The following VAV1 variants were observed in gnomAD, a reference collection of about 807,000 sequenced individuals.
VAV1 encodes the protein vav guanine nucleotide exchange factor 1.
In VAV1, 33 loss-of-function variants were observed where a neutral mutation model predicts 128.1. That is an observed-to-expected ratio of 0.26 (90% CI 0.20 to 0.34). The LOEUF (loss-of-function observed/expected upper bound fraction) is 0.34. Ranked by LOEUF, VAV1 falls within the 10% of genes least tolerant of loss-of-function variation. The probability of loss-of-function intolerance (pLI) is 1.00; values close to 1 mark genes in which losing one functional copy is unlikely to be tolerated. For missense variants in VAV1, 715 were observed against 1,093.7 expected (o/e 0.65, Z 4.88); for synonymous variants, 394 against 409.8 (o/e 0.96, Z 0.47).
intron 9 of VAV1, 142 bp from the exon 10 acceptor site, chr19:6,827,934 G>T: frequency 3.0e-6 from 2 of 660,122 alleles, no homozygotes; most frequent in Non-Finnish European, 2.6e-6. Flanking sequence ...GGGCAGATAT[G>T]ATGCTTTGGC....
intron 21 of VAV1, among the ~76,000 whole-genome samples, chr19:6,838,045 G>A (rs3105701): frequency 0.11 from 17,031 of 151,950 alleles, 2,923 homozygotes; most frequent in African/African-American, 0.38. Flanking sequence ...ATTAGCTGGT[G>A]TTCTGCTGCA....
At chr19:6,817,553 G>A (rs1004904704) in intron 1 of VAV1, among the ~76,000 whole-genome samples, 2 of 152,048 alleles carry the variant, frequency 1.3e-5, no homozygotes, top group African/African-American at 2.4e-5. Flanking sequence ...GAAACAGAAC[G>A]ATGGCCCTCC....
chr19:6,841,655 T>C (rs1030320141), intron 21 of VAV1, among the ~76,000 whole-genome samples: 3 of 151,808 alleles, frequency 2.0e-5, no homozygotes, highest in African/African-American at 7.3e-5. Context: ...TTTGTATTTT[T>C]AGTAGAGACG....
In VAV1 at chr19:6,773,176, TG is replaced by T. The variant is rs571764982; in HGVS notation, c.204+169del. On this transcript the variant is annotated intron_variant, in intron 1 of 26. Transcript: ENST00000602142. ...AGGGGGTGGTCACAATCTGAGATTC[TG>T]GGGTGGCCTCCCCAAGCTTAACAGG... 4.6e-5 allele frequency among the ~76,000 whole-genome samples: 7 copies of T among 152,264 alleles called. No individual in the cohort carries two copies. The East Asian group carries it at 1.4e-3, about 29-fold the overall frequency.
At chr19:6,776,442 A>C in intron 1 of VAV1, among the ~76,000 whole-genome samples, 1 of 147,472 alleles carries the variant, frequency 6.8e-6, no homozygotes, top group Non-Finnish European at 1.5e-5. Flanking sequence ...CCATCCATCC[A>C]TCCACCCACC....
At chr19:6,855,184 G>T (rs899310345) in intron 26 of VAV1, among the ~76,000 whole-genome samples, 1 of 152,192 alleles carries the variant, frequency 6.6e-6, no homozygotes, top group Non-Finnish European at 1.5e-5. Context: ...ATATGTTTGT[G>T]TAATGAAGAC....
chr19:6,833,143 C>G (rs1051315535), intron 15 of VAV1, 41 bp from the exon 16 acceptor site: 2 of 1,500,800 alleles, frequency 1.3e-6, no homozygotes, highest in Non-Finnish European at 1.8e-6. Flanking sequence ...GAATAAAATA[C>G]TGACCTTCTT....
intron 1 of VAV1, among the ~76,000 whole-genome samples, chr19:6,789,470 C>T (rs937535223): frequency 1.3e-5 from 2 of 152,158 alleles, no homozygotes; most frequent in African/African-American, 4.8e-5. Context: ...CCAGGATGGT[C>T]TCAATTTCCT....
chr19:6,807,989 C>CAAAAAAAAAAAA (rs980612666), intron 1 of VAV1, among the ~76,000 whole-genome samples: 2 of 52,284 alleles, frequency 3.8e-5, no homozygotes, highest in Admixed American at 2.1e-4. Flanking sequence ...GACTCTGTCT[C>CAAAAAAAAAAAA]AAAAAAAAAA....
At chr19:6,799,042 G>C (rs1322545885) in intron 1 of VAV1, among the ~76,000 whole-genome samples, 3 of 151,990 alleles carry the variant, frequency 2.0e-5, no homozygotes, top group Non-Finnish European at 4.4e-5. Flanking sequence ...TCTGTGACTG[G>C]CTGCTTTCCC....
chr19:6,827,147 C>T (rs987150200), intron 9 of VAV1: 6 of 187,736 alleles, frequency 3.2e-5, no homozygotes, highest in African/African-American at 4.6e-5. Context: ...GTGGTGAGGA[C>T]GGGGGCTCTC....
chr19:6,805,371 G>C (rs923037098), intron 1 of VAV1, among the ~76,000 whole-genome samples: 2 of 151,970 alleles, frequency 1.3e-5, no homozygotes, highest in Non-Finnish European at 2.9e-5. Context: ...GTTGCAGCGA[G>C]TTGAGATCAT....
chr19:6,824,418 G>A (rs1464537619), intron 6 of VAV1, among the ~76,000 whole-genome samples: 2 of 152,172 alleles, frequency 1.3e-5, no homozygotes, highest in Non-Finnish European at 2.9e-5. Context: ...GTTTATATGT[G>A]TCTGGCTTCT....
At chr19:6,780,573 CTTTT>C (rs34155628) in intron 1 of VAV1, among the ~76,000 whole-genome samples, 17 of 128,912 alleles carry the variant, frequency 1.3e-4, no homozygotes, top group African/African-American at 3.4e-4. Context: ...TTTCTTTTTT[CTTTT>C]TTTTTTTTTT....
chr19:6,821,297 A>G (rs1006540974), intron 2 of VAV1, among the ~76,000 whole-genome samples: 1 of 151,954 alleles, frequency 6.6e-6, no homozygotes, highest in African/African-American at 2.4e-5. Flanking sequence ...GCTACTCCGG[A>G]GGCTGAGGCA....
At chr19:6,821,475 A>G in intron 2 of VAV1, 147 bp from the exon 3 acceptor site, 1 of 814,810 alleles carries the variant, frequency 1.2e-6, no homozygotes, top group Non-Finnish European at 2.1e-6. Context: ...GAACGATGGT[A>G]TGGGGAATAG....
intron 1 of VAV1, among the ~76,000 whole-genome samples, chr19:6,789,445 G>A (rs947383704): frequency 6.6e-6 from 1 of 152,098 alleles, no homozygotes; most frequent in South Asian, 2.1e-4. Flanking sequence ...TAGAGATGGG[G>A]TTTCACCGTG....
chr19:6,779,840 G>A (rs964632725), intron 1 of VAV1, among the ~76,000 whole-genome samples: 5 of 148,102 alleles, frequency 3.4e-5, no homozygotes, highest in African/African-American at 7.4e-5. Flanking sequence ...GGCCGGGCAC[G>A]GTGACTCACA....
chr19:6,778,727 A>AAAAACAAAAC lies in VAV1; in HGVS notation c.204+5732_204+5741dup, dbSNP rs79565466. On this transcript the variant is annotated intron_variant, in intron 1 of 26. Coordinates refer to ENST00000602142, the MANE Select transcript of VAV1 (RefSeq NM_005428.4). ...GGCAACAGAGAGAGACTTTGTCTCA[A>AAAAACAAAAC]AAAACAAAACAAAACAAAACAAAAC... 8.6e-5 allele frequency among the ~76,000 whole-genome samples: 13 copies of AAAAACAAAAC among 151,626 alleles called. No individual in the cohort carries two copies. In the Middle Eastern group the frequency reaches 0.01, roughly 119 times the overall value.
Sources: allele counts gnomAD v4.1 joint callset (sites outside exome capture counted in the v4.1 genomes callset), GRCh38; gene constraint gnomAD v4.1.1; transcripts MANE v1.5; gene names NCBI Gene and HGNC (gene_info 2026-07-23, HGNC 2026-07-21).